ZNF446: variants seen among roughly 807,000 people sequenced by gnomAD.
ZNF446 encodes zinc finger protein with KRAB and SCAN domains 20.
Under a neutral mutation model 34.0 loss-of-function variants are expected in ZNF446, and 42 were observed. The ratio of observed to expected loss-of-function variants is 1.23; its 90% CI spans 0.96 to 1.60. ZNF446 has a LOEUF of 1.60. Among genes scored for constraint, ZNF446 ranks in the 40% most tolerant of loss-of-function variants. The probability of loss-of-function intolerance (pLI) is 0.00; values close to 1 mark genes in which losing one functional copy is unlikely to be tolerated. For synonymous variants in ZNF446, 315 were observed against 251.0 expected (o/e 1.25, Z -2.41); for missense variants, 650 against 600.2 (o/e 1.08, Z -0.87).
At chr19:58,483,200 AAAT>A (rs1383468693), downstream of ZNF446, among the ~76,000 whole-genome samples, 1 of 152,174 alleles carries the variant, frequency 6.6e-6, no homozygotes, top group Non-Finnish European at 1.5e-5. Flanking sequence ...AAAAAATTAA[AAAT>A]AATAGTAGGC....
downstream of ZNF446, among the ~76,000 whole-genome samples, chr19:58,484,635 C>G (rs1041707483): frequency 2.0e-5 from 3 of 152,100 alleles, no homozygotes; most frequent in Admixed American, 2.0e-4. Context: ...AGTTCAAGAC[C>G]AGCCTGGGCA....
downstream of ZNF446, among the ~76,000 whole-genome samples, chr19:58,484,463 C>T (rs1479681063): frequency 1.5e-5 from 2 of 130,792 alleles, no homozygotes; most frequent in African/African-American, 5.8e-5. Context: ...GAGACTCCAT[C>T]TCAAAAAAAA....
Position 58,481,160 on chromosome 19 carries a change from C to A in ZNF446, c.*434C>A. 5.7e-6 allele frequency: 1 copy of A among 175,740 alleles called. No homozygotes were observed. Among genetic ancestry groups the A allele is most frequent in the Admixed American group, 5.6e-5 (1 of 17,922 alleles). 10.9% of individuals were successfully genotyped at this position (175,740 alleles called of 1,614,324 possible). On this transcript the variant is annotated 3_prime_UTR_variant, in exon 7 of 7. Coordinates refer to ENST00000594369, the MANE Select transcript of ZNF446 (RefSeq NM_017908.4). The stretch of plus-strand genomic sequence containing the variant: ...GAGAGCAGCAGAAGACCCAGGAAAG[C>A]ACAGTTGGCTTCCGTTTCTCCTGCT...
chr19:58,477,040 C>T, intron 1 of ZNF446, 139 bp from the exon 2 acceptor site: 1 of 576,834 alleles, frequency 1.7e-6, no homozygotes, highest in Non-Finnish European at 3.1e-6. Context: ...CTCCTCCTTC[C>T]ATGAAGCTTT....
Position 58,477,470 on chromosome 19 carries a change from C to G in ZNF446, c.252C>G (p.Ala84=), listed in dbSNP as rs910488616. The change falls in exon 2 of 7, where the codon GCC becomes GCG. Residue 84 remains alanine, a synonymous_variant. Coordinates refer to ENST00000594369, the MANE Select transcript of ZNF446 (RefSeq NM_017908.4). ...GCACACTGCCTCCCGAGATCCAGGC[C>G]TGGGTGCGCGGTCAGCGGCCAGGCA... ...FLGTLPPEIQ[A]WVRGQRPGSP... 3.4e-5 allele frequency: 55 copies of G among 1,613,708 alleles called. No individual in the cohort carries two copies. The highest frequency in any genetic ancestry group is 4.7e-5 in the Non-Finnish European group (55 of 1,180,032).
chr19:58,481,515 G>A (rs989288698), downstream of ZNF446, among the ~76,000 whole-genome samples: 10 of 152,166 alleles, frequency 6.6e-5, no homozygotes, highest in Non-Finnish European at 1.5e-5. Context: ...TGAGAAGAGG[G>A]GCTGCAAGCA....
intron 4 of ZNF446, 63 bp downstream of exon 4, chr19:58,478,244 C>T: frequency 1.5e-5 from 22 of 1,487,644 alleles, no homozygotes; most frequent in South Asian, 2.5e-5. Flanking sequence ...CCCATGGCTG[C>T]CCTCTGCCTG....
chr19:58,483,543 G>A (rs2053153889), downstream of ZNF446: 1 of 152,106 alleles, frequency 6.6e-6, no homozygotes, highest in East Asian at 1.9e-4. Flanking sequence ...TGTAGTCCCA[G>A]GGAGACTGAG....
Position 58,478,131 on chromosome 19 carries a change from C to G in ZNF446, c.577C>G (p.His193Asp). The change falls in exon 4 of 7, where the codon CAT becomes GAT. Residue 193 changes from histidine to aspartate, a missense_variant. His to Asp is a moderately conservative substitution (Grantham distance 81). Transcript: ENST00000594369. ...TGCAGCACAGTCCCCTGAGGGGAAC[C>G]ATGGACACCAAGAACCAGCCTCCAC... ...PLAAQSPEGN[H>D]GHQEPASTSF... 1.9e-6 allele frequency: 3 copies of G among 1,614,046 alleles called. No individual in the cohort carries two copies. Among genetic ancestry groups the G allele is most frequent in the Non-Finnish European group, 1.7e-6 (2 of 1,179,958 alleles).
At chr19:58,481,777 G>GGTTTTGTTTTGTTTT (rs113757723), downstream of ZNF446, among the ~76,000 whole-genome samples, 1 of 151,788 alleles carries the variant, frequency 6.6e-6, no homozygotes, top group African/African-American at 2.4e-5. Context: ...CTAAAATCAA[G>GGTTTTGTTTTGTTTT]GTTTTGTTTT....
At chr19:58,485,645 G>A (rs2053165074), downstream of ZNF446, among the ~76,000 whole-genome samples, 1 of 152,158 alleles carries the variant, frequency 6.6e-6, no homozygotes, top group South Asian at 2.1e-4. Context: ...CTGAATATTG[G>A]AGAAAACTGA....
chr19:58,485,988 C>T (rs1180916335), downstream of ZNF446, among the ~76,000 whole-genome samples: 1 of 152,054 alleles, frequency 6.6e-6, no homozygotes, highest in Non-Finnish European at 1.5e-5. Context: ...GTGAACATGG[C>T]TCACTGCAGC....
intron 4 of ZNF446, among the ~76,000 whole-genome samples, chr19:58,478,913 G>A (rs1419332755): frequency 2.0e-5 from 3 of 152,144 alleles, no homozygotes; most frequent in Admixed American, 1.3e-4. Flanking sequence ...CCTGGGAAAT[G>A]CCCGAAGTCC....
chr19:58,478,714 G>A (rs2053111415), intron 4 of ZNF446, among the ~76,000 whole-genome samples: 1 of 152,084 alleles, frequency 6.6e-6, no homozygotes, highest in Non-Finnish European at 1.5e-5. Flanking sequence ...TGGAAACCCA[G>A]TTTAGAGTGG....
chr19:58,484,780 G>A (rs78337360), downstream of ZNF446, among the ~76,000 whole-genome samples: 3,868 of 152,070 alleles, frequency 0.025, 155 homozygotes, highest in African/African-American at 0.087. Flanking sequence ...CATTTCAGCC[G>A]GGTGCAGTGG....
chr19:58,479,552 G>C, intron 4 of ZNF446, 91 bp from the exon 5 acceptor site: 1 of 1,408,470 alleles, frequency 7.1e-7, no homozygotes, highest in Non-Finnish European at 9.7e-7. Flanking sequence ...TAGGTAACCT[G>C]CTGACTCTTC....
At chr19:58,485,313 A>G (rs2053163366), downstream of ZNF446, among the ~76,000 whole-genome samples, 1 of 151,642 alleles carries the variant, frequency 6.6e-6, no homozygotes, top group South Asian at 2.1e-4. Context: ...TAGCCTGGCC[A>G]ACATGGTGAA....
At chr19:58,484,283 A>AC (rs1170925857), downstream of ZNF446, among the ~76,000 whole-genome samples, 1 of 150,070 alleles carries the variant, frequency 6.7e-6, no homozygotes, top group African/African-American at 2.5e-5. Context: ...AAAAAAAAAA[A>AC]AAAAAAAAAA....
chr19:58,486,053 A>C (rs1443785794), downstream of ZNF446, among the ~76,000 whole-genome samples: 1 of 148,298 alleles, frequency 6.7e-6, no homozygotes, highest in African/African-American at 2.5e-5. Context: ...AGTAGCTGGG[A>C]CCACAGGCAC....
Sources: allele counts gnomAD v4.1 joint callset (sites outside exome capture counted in the v4.1 genomes callset), GRCh38; gene constraint gnomAD v4.1.1; transcripts MANE v1.5; gene names NCBI Gene and HGNC (gene_info 2026-07-23, HGNC 2026-07-21).